SNRNP40: variants seen among roughly 807,000 people sequenced by gnomAD.
SNRNP40 encodes small nuclear ribonucleoprotein U5 subunit 40.
SNRNP40 carries 21 observed loss-of-function variants against 45.8 expected under a neutral mutation model. The ratio of observed to expected loss-of-function variants is 0.46; its 90% confidence interval spans 0.32 to 0.66. SNRNP40 has a LOEUF of 0.66. Among genes scored for constraint, SNRNP40 ranks in the 30% least tolerant of loss-of-function variants. SNRNP40 has a pLI of 0.03. For synonymous variants in SNRNP40, 142 were observed against 163.8 expected (o/e 0.87, Z 1.01); for missense variants, 344 against 439.1 (o/e 0.78, Z 1.94).
At chr1:31,290,826 C>A (rs1253200280) in intron 3 of SNRNP40, among the ~76,000 whole-genome samples, 1 of 151,488 alleles carries the variant, frequency 6.6e-6, no homozygotes, top group South Asian at 2.1e-4. Flanking sequence ...TGCAGTGAGC[C>A]GAGATCGCAC....
At chr1:31,293,162 A>C in intron 2 of SNRNP40, 57 bp downstream of exon 2, 1 of 1,604,484 alleles carries the variant, frequency 6.2e-7, no homozygotes, top group East Asian at 2.2e-5. Flanking sequence ...AAGATTTAAA[A>C]AAAAAAATCA....
intron 4 of SNRNP40, chr1:31,282,175 G>A (rs1008416171): frequency 1.3e-5 from 2 of 151,966 alleles, no homozygotes; most frequent in Non-Finnish European, 2.9e-5. Flanking sequence ...CTAGTACTGA[G>A]GAAGCAAAGG....
chr1:31,271,717 C>G (rs931625991), intron 5 of SNRNP40, among the ~76,000 whole-genome samples: 1 of 151,660 alleles, frequency 6.6e-6, no homozygotes, highest in Admixed American at 6.6e-5. Context: ...TATCATGGCT[C>G]GCTGTAGCCT....
chr1:31,294,281 T>C (rs767517851), intron 1 of SNRNP40, among the ~76,000 whole-genome samples: 2 of 152,082 alleles, frequency 1.3e-5, no homozygotes, highest in African/African-American at 2.4e-5. Flanking sequence ...TATTTTTTCA[T>C]AGCAAACGGA....
At chr1:31,271,607 T>C (rs1351538552) in intron 5 of SNRNP40, 108 bp from the exon 6 acceptor site, 4 of 1,044,166 alleles carry the variant, frequency 3.8e-6, no homozygotes, top group Admixed American at 2.5e-5. Flanking sequence ...ATTACTCTAC[T>C]ATAAAACACA....
At chr1:31,280,166 C>T (rs1159040765) in intron 5 of SNRNP40, among the ~76,000 whole-genome samples, 1 of 138,698 alleles carries the variant, frequency 7.2e-6, no homozygotes, top group Non-Finnish European at 1.5e-5. Flanking sequence ...AAGGATATTC[C>T]TTTCTTTTTT....
Position 31,271,427 on chromosome 1 carries a change from A to C in SNRNP40, c.727T>G (p.Leu243Val). The C allele has an allele frequency of 6.2e-7, 1 of 1,614,056 alleles. No individual in the cohort carries two copies. Among genetic ancestry groups the C allele is most frequent in the Non-Finnish European group, 8.5e-7 (1 of 1,179,956 alleles). Residue 243 changes from leucine to valine, a missense_variant, in exon 6 of 10, where the codon TTA becomes GTA. Coordinates refer to ENST00000263694, the MANE Select transcript of SNRNP40 (RefSeq NM_004814.3). ...GHADSVTGLS[L>V]SSEGSYLLSN... ...AAAAGATAAGAGCCTTCAGAACTTA[A>C]ACTCAGGCCAGTCACTGAATCTGCA...
intron 4 of SNRNP40, among the ~76,000 whole-genome samples, chr1:31,288,306 AAGAG>A (rs1178684192): frequency 3.3e-5 from 5 of 152,340 alleles, no homozygotes; most frequent in South Asian, 2.1e-4. Flanking sequence ...ATTCGTGTCA[AAGAG>A]AGAATCAAAT....
At chr1:31,286,320 C>T (rs963843298) in intron 4 of SNRNP40, among the ~76,000 whole-genome samples, 1 of 152,162 alleles carries the variant, frequency 6.6e-6, no homozygotes, top group Non-Finnish European at 1.5e-5. Flanking sequence ...ATCAGCCTCC[C>T]ATTAAATTCA....
At chr1:31,261,828 AAATAAG>A in intron 8 of SNRNP40, 196 bp from the exon 9 acceptor site, 1 of 437,814 alleles carries the variant, frequency 2.3e-6, no homozygotes, top group African/African-American at 2.0e-5. Context: ...TGGGGTGGAG[AAATAAG>A]AATAACTAAA....
rs746825755 is a variant in SNRNP40 at position 31,296,725 on chromosome 1, G to A, written c.27C>T (p.Gly9=). The A allele has an allele frequency of 2.5e-6, 4 of 1,612,336 alleles. No homozygotes were observed. The African/African-American group carries it at 4.0e-5, about 16-fold the overall frequency. ...TGACTGGAACCAGCGGCAACTCTGG[G>A]CCCTTACGCTTCTGCTGTTCTATCA... is the stretch of plus-strand genomic sequence containing the variant. The part of the protein sequence containing the change: MIEQQKRK[G]PELPLVPVKR... Residue 9 remains glycine (G), a synonymous_variant, in exon 1 of 10, where the codon GGC becomes GGT. Coordinates refer to ENST00000263694, the MANE Select transcript of SNRNP40 (RefSeq NM_004814.3).
chr1:31,278,413 T>C (rs140139144), intron 5 of SNRNP40, among the ~76,000 whole-genome samples: 37 of 152,294 alleles, frequency 2.4e-4, no homozygotes, highest in African/African-American at 8.9e-4. Flanking sequence ...ATGCAAACAT[T>C]AAAATTCTTA....
chr1:31,266,949 T>C (rs1645901365), intron 8 of SNRNP40, among the ~76,000 whole-genome samples: 1 of 152,246 alleles, frequency 6.6e-6, no homozygotes, highest in Non-Finnish European at 1.5e-5. Flanking sequence ...TCACTTTGTC[T>C]GTCTGATTGT....
intron 6 of SNRNP40, 196 bp from the exon 7 acceptor site, chr1:31,269,436 T>C (rs774366746): frequency 3.1e-6 from 4 of 1,292,654 alleles, no homozygotes; most frequent in East Asian, 2.9e-5. Flanking sequence ...TAAATCCCAA[T>C]AACTGGGGCT....
intron 8 of SNRNP40, among the ~76,000 whole-genome samples, chr1:31,265,919 C>T (rs562434412): frequency 6.6e-6 from 1 of 152,286 alleles, no homozygotes; most frequent in East Asian, 1.9e-4. Flanking sequence ...ATAGTTCTTA[C>T]TATATCAGAA....
chr1:31,279,763 G>C (rs1569655838), intron 5 of SNRNP40, among the ~76,000 whole-genome samples: 1 of 151,204 alleles, frequency 6.6e-6, no homozygotes, highest in Admixed American at 6.6e-5. Flanking sequence ...AAGAAAAGTA[G>C]AAAAGAAGAG....
intron 5 of SNRNP40, among the ~76,000 whole-genome samples, chr1:31,280,893 A>T (rs1646012091): frequency 6.6e-6 from 1 of 152,174 alleles, no homozygotes; most frequent in African/African-American, 2.4e-5. Flanking sequence ...CAATTACTTG[A>T]AAGTTTGAGC....
At chr1:31,279,402 A>G (rs945992082) in intron 5 of SNRNP40, among the ~76,000 whole-genome samples, 3 of 152,376 alleles carry the variant, frequency 2.0e-5, no homozygotes, top group East Asian at 3.9e-4. Flanking sequence ...AGTAAGCACT[A>G]TGTGTTAGAT....
chr1:31,289,230 G>A, intron 4 of SNRNP40, 24 bp downstream of exon 4: 4 of 1,609,558 alleles, frequency 2.5e-6, no homozygotes, highest in South Asian at 1.1e-5. Flanking sequence ...CTCAGAAACT[G>A]GAACACGGAG....
Sources: allele counts gnomAD v4.1 joint callset (sites outside exome capture counted in the v4.1 genomes callset), GRCh38; gene constraint gnomAD v4.1.1; transcripts MANE v1.5; gene names NCBI Gene and HGNC (gene_info 2026-07-23, HGNC 2026-07-21).